The following ADSS2 variants were observed in gnomAD, a reference collection of about 807,000 sequenced individuals.
ADSS2 encodes the protein adenylosuccinate synthetase isozyme 2.
Under a neutral mutation model 60.0 loss-of-function variants are expected in ADSS2, and 30 were observed. The observed-to-expected ratio is 0.50, with a 90% CI of 0.37 to 0.68. The LOEUF is 0.68. ADSS2 is among the 30% of genes least tolerant of loss of function. ADSS2 has a pLI of 0.00. For missense variants in ADSS2, 373 were observed against 554.8 expected (o/e 0.67, Z 3.29); for synonymous variants, 187 against 193.1 (o/e 0.97, Z 0.26).
At chr1:244,428,081 G>A (rs1347281207) in intron 4 of ADSS2, among the ~76,000 whole-genome samples, 2 of 152,128 alleles carry the variant, frequency 1.3e-5, no homozygotes, top group Non-Finnish European at 2.9e-5. Flanking sequence ...TAGAAAATCA[G>A]TTGGGATATA....
chr1:244,409,718 C>T, intron 12 of ADSS2, 80 bp from the exon 13 acceptor site: 1 of 1,108,846 alleles, frequency 9.0e-7, no homozygotes, highest in African/African-American at 1.6e-5. Flanking sequence ...AGGTAGTCCC[C>T]TACTTTTCTC....
At position 244,417,687 on chromosome 1, in the gene ADSS2, T is replaced by C. The variant is rs112953519; in HGVS notation, c.1011A>G (p.Arg337=). The C allele has an allele frequency of 1.1e-4, 179 of 1,613,054 alleles. No individual in the cohort carries two copies. In the African/African-American group the frequency reaches 2.1e-3, roughly 19 times the overall value. Residue 337 remains arginine, a synonymous_variant, in exon 10 of 13, where the codon AGA becomes AGG. Coordinates refer to ENST00000366535, the MANE Select transcript of ADSS2 (RefSeq NM_001126.5). ...EFGVTTGRKR[R]CGWLDLVLLK... is the part of the protein sequence containing the mutation. ...GCAAAACGAGGTCCAACCAGCCACA[T>C]CTTCTTTTCCTTCCAGTAGTTACAC...
At position 244,431,533 on chromosome 1, in the gene ADSS2, C is replaced by A. The variant is rs180906186; in HGVS notation, c.406+1012G>T. ...ATACAGAAGTATTCCACATTTTATC[C>A]ACTTACACTAACAAACAGCTATCAA... On this transcript the variant is annotated intron_variant, in intron 4 of 12. Transcript: ENST00000366535. 5.9e-4 allele frequency among the ~76,000 whole-genome samples: 90 copies of A among 152,210 alleles called. 1 individual carries two copies. Among genetic ancestry groups the A allele is most frequent in the Non-Finnish European group, 4.4e-5 (3 of 68,002 alleles).
At chr1:244,417,888 T>G in intron 9 of ADSS2, 136 bp from the exon 10 acceptor site, 1 of 769,142 alleles carries the variant, frequency 1.3e-6, no homozygotes, top group Non-Finnish European at 2.0e-6. Flanking sequence ...GAAGATAGAA[T>G]TCCACAGAGA....
rs1664337504 is a variant in ADSS2, at chr1:244,408,608, G to C, written c.*978C>G. The C allele has an allele frequency of 6.6e-6, 1 of 151,608 alleles. No individual in the cohort carries two copies. Among genetic ancestry groups the C allele is most frequent in the South Asian group, 2.1e-4 (1 of 4,778 alleles). The allele number at this position is 151,608 out of a possible 1,614,324, so 9.4% of individuals were successfully genotyped here. ...ATTAAAAGATAATCTACAAAACAAT[G>C]TTATGCCTAATTGTCAAAATAACAC... On this transcript the variant is annotated 3_prime_UTR_variant, in exon 13 of 13. Coordinates refer to ENST00000366535, the MANE Select transcript of ADSS2 (RefSeq NM_001126.5).
intron 4 of ADSS2, among the ~76,000 whole-genome samples, chr1:244,426,292 T>A (rs1384646698): frequency 3.3e-5 from 5 of 152,176 alleles, no homozygotes; most frequent in Admixed American, 1.3e-4. Flanking sequence ...AAAAAGCAAC[T>A]GACAACACAC....
intron 4 of ADSS2, among the ~76,000 whole-genome samples, chr1:244,425,883 T>C (rs571762524): frequency 1.3e-5 from 2 of 152,224 alleles, no homozygotes; most frequent in South Asian, 2.1e-4. Flanking sequence ...CCAAAAGATA[T>C]CTATCTACAA....
chr1:244,444,968 T>C (rs1246938171), intron 1 of ADSS2, among the ~76,000 whole-genome samples: 1 of 152,136 alleles, frequency 6.6e-6, no homozygotes, highest in Non-Finnish European at 1.5e-5. Context: ...ATCATAGGAA[T>C]CATCCCCCCA....
At chr1:244,449,873 G>C (rs761706680) in intron 1 of ADSS2, among the ~76,000 whole-genome samples, 8 of 151,892 alleles carry the variant, frequency 5.3e-5, no homozygotes, top group Non-Finnish European at 1.2e-4. Flanking sequence ...GATCAGGTTG[G>C]TCCATGACTT....
At chr1:244,435,562 C>A (rs888405621) in intron 3 of ADSS2, among the ~76,000 whole-genome samples, 3 of 151,930 alleles carry the variant, frequency 2.0e-5, no homozygotes, top group African/African-American at 7.3e-5. Context: ...CTACCTCTGT[C>A]CTTCTCTTCT....
chr1:244,410,918 T>C (rs985492013), intron 12 of ADSS2, among the ~76,000 whole-genome samples: 2 of 152,170 alleles, frequency 1.3e-5, no homozygotes, highest in Non-Finnish European at 2.9e-5. Flanking sequence ...CAAAGGCACA[T>C]AGGCAAGTTA....
intron 2 of ADSS2, among the ~76,000 whole-genome samples, chr1:244,437,444 T>C (rs1478767053): frequency 6.6e-6 from 1 of 152,160 alleles, no homozygotes; most frequent in African/African-American, 2.4e-5. Context: ...TGAGCACAGA[T>C]GAATGCAAAG....
intron 4 of ADSS2, among the ~76,000 whole-genome samples, chr1:244,426,499 C>A (rs906101070): frequency 1.3e-5 from 2 of 152,098 alleles, no homozygotes; most frequent in African/African-American, 4.8e-5. Flanking sequence ...AAAGAACAGC[C>A]TTGGAATATC....
chr1:244,445,856 G>C (rs1376733390), intron 1 of ADSS2, among the ~76,000 whole-genome samples: 1 of 152,166 alleles, frequency 6.6e-6, no homozygotes, highest in Non-Finnish European at 1.5e-5. Flanking sequence ...CTCTTTTCCA[G>C]AATACAGGCC....
chr1:244,423,054 G>A, intron 6 of ADSS2, 138 bp from the exon 7 acceptor site: 2 of 535,622 alleles, frequency 3.7e-6, no homozygotes, highest in South Asian at 3.6e-5. Flanking sequence ...CACCTTCTGA[G>A]AAATAAAATT....
chr1:244,441,028 C>T lies in ADSS2; in HGVS notation c.184-3260G>A, dbSNP rs149414830. ...ATAGAATCCTAGGACATATATTATA[C>T]ACCAAAAGAACATTAATTATCTTAA... On this transcript the variant is annotated intron_variant, in intron 1 of 12. Coordinates refer to ENST00000366535, the MANE Select transcript of ADSS2 (RefSeq NM_001126.5). Among the ~76,000 whole-genome samples the T allele has an allele frequency of 3.0e-3, 458 of 151,506 alleles. 1 individual carries two copies. Among genetic ancestry groups the T allele is most frequent in the Admixed American group, 6.1e-3 (93 of 15,228 alleles).
Position 244,444,514 on chromosome 1 carries a change from C to CAAA in ADSS2, c.184-6749_184-6747dup, listed in dbSNP as rs56001597. Among the ~76,000 whole-genome samples, 196 of 42,448 alleles carry CAAA rather than the reference C, an allele frequency of 4.6e-3. 5 individuals carry two copies. Among genetic ancestry groups the CAAA allele is most frequent in the African/African-American group, 0.011 (132 of 11,626 alleles). 27.8% of individuals were successfully genotyped at this position (42,448 alleles called of 152,430 possible). On this transcript the variant is annotated intron_variant, in intron 1 of 12. Coordinates refer to ENST00000366535, the MANE Select transcript of ADSS2 (RefSeq NM_001126.5). ...TGGGCGACAGAGCGAGACTCCATCT[C>CAAA]AAAAAAAAAAAAAAAAAAAAAAGAT... is the stretch of plus-strand genomic sequence containing the variant.
intron 1 of ADSS2, among the ~76,000 whole-genome samples, chr1:244,438,530 ATAACTTT>A (rs776130129): frequency 9.2e-5 from 14 of 152,252 alleles, no homozygotes; most frequent in Non-Finnish European, 1.5e-4. Context: ...AAGTAACCAG[ATAACTTT>A]TCTAAGTTTA....
intron 2 of ADSS2, 46 bp from the exon 3 acceptor site, chr1:244,436,939 G>A: frequency 6.6e-7 from 1 of 1,512,368 alleles, no homozygotes; most frequent in Non-Finnish European, 9.1e-7. Flanking sequence ...CTATAACTCA[G>A]ACATATGTAA....
Sources: allele counts gnomAD v4.1 joint callset (sites outside exome capture counted in the v4.1 genomes callset), GRCh38; gene constraint gnomAD v4.1.1; transcripts MANE v1.5; gene names NCBI Gene and HGNC (gene_info 2026-07-23, HGNC 2026-07-21).